The following SGCZ variants were observed in gnomAD, a reference collection of about 807,000 sequenced individuals.
SGCZ encodes the protein zeta-sarcoglycan.
In SGCZ, 40 loss-of-function variants were observed where a neutral mutation model predicts 41.3. The ratio of observed to expected loss-of-function variants is 0.97; its 90% CI spans 0.75 to 1.26. The LOEUF (loss-of-function observed/expected upper bound fraction) is 1.26. SGCZ is among the 50% of genes most tolerant of loss of function. SGCZ has a pLI of 0.00. For synonymous variants in SGCZ, 206 were observed against 137.5 expected (o/e 1.50, Z -3.49); for missense variants, 552 against 369.8 (o/e 1.49, Z -4.04).
At chr8:14,776,739 C>A in intron 1 of SGCZ, among the ~76,000 whole-genome samples, 1 of 152,134 alleles carries the variant, frequency 6.6e-6, no homozygotes, top group Middle Eastern at 3.4e-3. Flanking sequence ...GTGACCCGCC[C>A]ACCTGGGCCT....
chr8:15,066,641 TCCA>T (rs1805158672), intron 1 of SGCZ, among the ~76,000 whole-genome samples: 1 of 152,246 alleles, frequency 6.6e-6, no homozygotes, highest in South Asian at 2.1e-4. Flanking sequence ...TTCAATTACC[TCCA>T]CTTCTTCCAT....
chr8:14,896,622 G>A (rs1805207918), intron 1 of SGCZ, among the ~76,000 whole-genome samples: 1 of 151,732 alleles, frequency 6.6e-6, no homozygotes, highest in South Asian at 2.1e-4. Context: ...GATTACAGGT[G>A]TCCTCCACCA....
At chr8:14,403,847 G>T (rs897631405) in intron 2 of SGCZ, among the ~76,000 whole-genome samples, 1 of 151,434 alleles carries the variant, frequency 6.6e-6, no homozygotes, top group South Asian at 2.1e-4. Flanking sequence ...TGTTAAGGCT[G>T]TTAACTATAT....
intron 1 of SGCZ, among the ~76,000 whole-genome samples, chr8:15,066,947 G>T (rs1169800425): frequency 1.3e-5 from 2 of 152,138 alleles, no homozygotes; most frequent in African/African-American, 4.8e-5. Context: ...CATATCATCT[G>T]TATTCACTGA....
At chr8:14,951,243 G>GTTCA (rs1800628602) in intron 1 of SGCZ, among the ~76,000 whole-genome samples, 1 of 151,912 alleles carries the variant, frequency 6.6e-6, no homozygotes, top group Non-Finnish European at 1.5e-5. Context: ...TTAATTTCAT[G>GTTCA]TAAAATAATT....
At chr8:14,618,240 T>C (rs1405378751) in intron 1 of SGCZ, among the ~76,000 whole-genome samples, 2 of 152,282 alleles carry the variant, frequency 1.3e-5, no homozygotes, top group East Asian at 3.9e-4. Context: ...AATGATATGG[T>C]ATGTTATACA....
chr8:14,904,746 T>C (rs1799074144), intron 1 of SGCZ, among the ~76,000 whole-genome samples: 1 of 152,046 alleles, frequency 6.6e-6, no homozygotes, highest in Non-Finnish European at 1.5e-5. Context: ...TAGTCTATGT[T>C]ACTGTTCTAA....
chr8:14,307,959 G>C (rs1218969242), intron 3 of SGCZ, among the ~76,000 whole-genome samples: 1 of 152,086 alleles, frequency 6.6e-6, no homozygotes, highest in Non-Finnish European at 1.5e-5. Flanking sequence ...GTACCTTTTA[G>C]GGGGTGAAGA....
chr8:15,145,804 G>A (rs1343406904), intron 1 of SGCZ, among the ~76,000 whole-genome samples: 1 of 152,182 alleles, frequency 6.6e-6, no homozygotes, highest in Non-Finnish European at 1.5e-5. Flanking sequence ...TTAGACTGAT[G>A]TGAAGACTAG....
rs150348273 is a variant in SGCZ, at chr8:14,613,535, C to T, written c.40-58609G>A. Among the ~76,000 whole-genome samples the T allele has an allele frequency of 4.5e-3, 684 of 152,204 alleles. 3 individuals are homozygous for T. Among genetic ancestry groups the T allele is most frequent in the Non-Finnish European group, 7.4e-3 (504 of 67,994 alleles). ...ACTCTTGCAAATAGTATTTTGTTTC[C>T]TACTTGTATAACAAGAGCTGATAAA... On this transcript the variant is annotated intron_variant, in intron 1 of 7. Transcript: ENST00000382080.
rs184860985 is a variant in SGCZ at position 14,399,443 on chromosome 8, T to C, written c.235-75239A>G. On this transcript the variant is annotated intron_variant, in intron 2 of 7. Coordinates refer to ENST00000382080, the MANE Select transcript of SGCZ (RefSeq NM_139167.4). ...ACTTGACAGGCTGGACTTCTGTTTT[T>C]TAAAATGTCTTTCTCATGGTTTGAT... is the stretch of plus-strand genomic sequence containing the variant. Among the ~76,000 whole-genome samples, 427 of 152,252 alleles carry C rather than the reference T, an allele frequency of 2.8e-3. 2 individuals carry two copies. The highest frequency in any genetic ancestry group is 9.3e-3 in the African/African-American group (388 of 41,556).
chr8:15,089,355 T>G (rs1806066676), intron 1 of SGCZ, among the ~76,000 whole-genome samples: 1 of 152,174 alleles, frequency 6.6e-6, no homozygotes, highest in Admixed American at 6.5e-5. Context: ...TTCTCCTGTC[T>G]GACTGGGACA....
rs150885785 is a variant in SGCZ, at chr8:15,142,859, C to G, written c.39+94726G>C. ...CTCCTGGCTCACCCAATCCACCCAC[C>G]TTGGCCTCCCAAAGTGCTGGAATTA... is the stretch of plus-strand genomic sequence containing the variant. On this transcript the variant is annotated intron_variant, in intron 1 of 7. Transcript: ENST00000382080. 9.4e-3 allele frequency among the ~76,000 whole-genome samples: 1,427 copies of G among 152,280 alleles called. 14 individuals carry two copies. The highest frequency in any genetic ancestry group is 0.032 in the African/African-American group (1,328 of 41,550).
chr8:14,427,051 AAT>A (rs1799804124), intron 2 of SGCZ, among the ~76,000 whole-genome samples: 1 of 144,016 alleles, frequency 6.9e-6, no homozygotes, highest in East Asian at 1.9e-4. Flanking sequence ...TGAATGAATG[AAT>A]GAATGAATGA....
intron 1 of SGCZ, among the ~76,000 whole-genome samples, chr8:14,883,517 A>G (rs1186796424): frequency 1.3e-5 from 2 of 152,168 alleles, no homozygotes; most frequent in South Asian, 4.1e-4. Context: ...TCCTTATTTT[A>G]TTTAGTAATG....
chr8:15,009,699 G>A (rs1802759603), intron 1 of SGCZ, among the ~76,000 whole-genome samples: 1 of 152,164 alleles, frequency 6.6e-6, no homozygotes, highest in Non-Finnish European at 1.5e-5. Flanking sequence ...TCAGGCTCCT[G>A]AAAGTTTATT....
At chr8:14,354,450 A>G (rs1803217776) in intron 2 of SGCZ, among the ~76,000 whole-genome samples, 1 of 151,958 alleles carries the variant, frequency 6.6e-6, no homozygotes, top group African/African-American at 2.4e-5. Flanking sequence ...TGGGTAAAAT[A>G]CAACAAAAAT....
intron 1 of SGCZ, among the ~76,000 whole-genome samples, chr8:15,004,472 A>C (rs1035884418): frequency 6.6e-6 from 1 of 152,152 alleles, no homozygotes; most frequent in African/African-American, 2.4e-5. Context: ...ACTAGACCAA[A>C]AAAGGTGGAG....
intron 1 of SGCZ, among the ~76,000 whole-genome samples, chr8:14,734,035 G>A (rs559647506): frequency 2.6e-4 from 39 of 152,270 alleles, no homozygotes; most frequent in African/African-American, 9.1e-4. Flanking sequence ...AAACCATTGT[G>A]TTTAGCACTT....
Sources: allele counts gnomAD v4.1 joint callset (sites outside exome capture counted in the v4.1 genomes callset), GRCh38; gene constraint gnomAD v4.1.1; transcripts MANE v1.5; gene names NCBI Gene and HGNC (gene_info 2026-07-23, HGNC 2026-07-21).